VPS37A: variants seen among roughly 807,000 people sequenced by gnomAD.
VPS37A encodes vacuolar protein sorting-associated protein 37A.
VPS37A carries 30 observed loss-of-function variants against 49.8 expected under a neutral mutation model. That is an observed-to-expected ratio of 0.60 (90% CI 0.45 to 0.82). The LOEUF (loss-of-function observed/expected upper bound fraction) is 0.82, where lower values mean the gene tolerates loss of function less well. Among genes scored for constraint, VPS37A ranks in the 40% least tolerant of loss-of-function variants. VPS37A has a pLI of 0.00. For missense variants in VPS37A, 593 were observed against 464.4 expected (o/e 1.28, Z -2.55); for synonymous variants, 195 against 160.6 (o/e 1.21, Z -1.62).
intron 1 of VPS37A, among the ~76,000 whole-genome samples, chr8:17,257,091 T>C (rs923085402): frequency 1.3e-5 from 2 of 152,178 alleles, no homozygotes; most frequent in Non-Finnish European, 2.9e-5. Flanking sequence ...TCCATTCTTA[T>C]TTGATTTTTG....
chr8:17,266,159 TAAGA>T (rs1483232614), intron 2 of VPS37A, among the ~76,000 whole-genome samples, 178 bp downstream of exon 2: 5 of 152,102 alleles, frequency 3.3e-5, no homozygotes, highest in Non-Finnish European at 5.9e-5. Context: ...TATAGTGTTA[TAAGA>T]AAGAAACTAG....
the VPS37A span, among the ~76,000 whole-genome samples, chr8:17,310,700 C>G: frequency 6.6e-6 from 1 of 152,184 alleles, no homozygotes; most frequent in Non-Finnish European, 1.5e-5. Flanking sequence ...AGGGAGCCTG[C>G]CTCTTCGCTC....
chr8:17,257,598 C>T lies in VPS37A; in HGVS notation c.126-8309C>T, dbSNP rs201856364. The stretch of plus-strand genomic sequence containing the variant: ...CGTGTATACCTATGTAACAAAACTG[C>T]ACATTCTGCACATGTACTCCAGAAC... On this transcript the variant is annotated intron_variant, in intron 1 of 11. Transcript: ENST00000324849. 7.2e-5 allele frequency among the ~76,000 whole-genome samples: 11 copies of T among 152,242 alleles called. No individual in the cohort carries two copies. In the East Asian group the frequency reaches 1.9e-3, roughly 27 times the overall value.
At chr8:17,317,234 T>A in the VPS37A span, among the ~76,000 whole-genome samples, 1 of 152,224 alleles carries the variant, frequency 6.6e-6, no homozygotes, top group Non-Finnish European at 1.5e-5. Context: ...AGACACAGGA[T>A]GCTGGCTGGC....
intron 1 of VPS37A, among the ~76,000 whole-genome samples, chr8:17,259,134 G>A (rs1812747574): frequency 1.3e-5 from 2 of 151,612 alleles, no homozygotes; most frequent in Admixed American, 6.6e-5. Context: ...TTTAGGTTTG[G>A]TTCTTCTCTA....
Position 17,280,196 on chromosome 8 carries a change from A to G in VPS37A, c.841+41A>G, listed in dbSNP as rs1814910981. On this transcript the variant is annotated intron_variant, in intron 7 of 11. Coordinates refer to ENST00000324849, the MANE Select transcript of VPS37A (RefSeq NM_152415.3). ...CCTGAGCGCACATTTCCTGAAAAAA[A>G]TCTCATCTTTACCTAGAAGTAAACT... The G allele has an allele frequency of 4.3e-6, 7 of 1,611,030 alleles. No individual in the cohort carries two copies. The East Asian group carries it at 1.3e-4, about 31-fold the overall frequency.
intron 1 of VPS37A, among the ~76,000 whole-genome samples, chr8:17,250,239 T>G (rs892840674): frequency 2.6e-5 from 4 of 152,186 alleles, no homozygotes; most frequent in Non-Finnish European, 1.5e-5. Context: ...CCAGACTCCT[T>G]TAATTCAAAG....
At chr8:17,256,308 T>TG (rs1812453468) in intron 1 of VPS37A, among the ~76,000 whole-genome samples, 2 of 138,714 alleles carry the variant, frequency 1.4e-5, no homozygotes, top group Admixed American at 1.5e-4. Context: ...TTTTTTTTTT[T>TG]TTTTTTTTTT....
rs747596394 is a variant in VPS37A, at chr8:17,274,958, G to A, written c.642G>A (p.Pro214=). 1.3e-5 allele frequency: 21 copies of A among 1,612,404 alleles called. No homozygotes were observed. Among genetic ancestry groups the A allele is most frequent in the East Asian group, 2.2e-5 (1 of 44,872 alleles). Residue 214 remains proline (P), a splice_region_variant and synonymous_variant, in exon 5 of 12, where the codon CCG becomes CCA. Coordinates refer to ENST00000324849, the MANE Select transcript of VPS37A (RefSeq NM_152415.3). ...LPIPTVDASI[P]TSQNGFGYKM... is the part of the protein sequence containing the mutation. ...TTCCCACAGTGGATGCTTCAATACC[G>A]GTTGGTATCGTCAGTTATCTATATT...
At chr8:17,332,029 A>T in the VPS37A span, among the ~76,000 whole-genome samples, 1 of 151,900 alleles carries the variant, frequency 6.6e-6, no homozygotes, top group Non-Finnish European at 1.5e-5. Context: ...GCGTGGCTAA[A>T]ATCAAGAAGG....
the VPS37A span, among the ~76,000 whole-genome samples, chr8:17,331,763 T>C: frequency 6.6e-6 from 1 of 152,238 alleles, no homozygotes; most frequent in African/African-American, 2.4e-5. Context: ...CATTCTAATT[T>C]GCCCACAAGA....
intron 6 of VPS37A, among the ~76,000 whole-genome samples, chr8:17,278,365 A>G (rs974802507): frequency 1.3e-5 from 2 of 152,152 alleles, no homozygotes; most frequent in African/African-American, 2.4e-5. Flanking sequence ...GAATTACTCT[A>G]TGAAGAACTT....
chr8:17,278,107 C>T (rs371355687), intron 6 of VPS37A, among the ~76,000 whole-genome samples: 1 of 151,952 alleles, frequency 6.6e-6, no homozygotes, highest in African/African-American at 2.4e-5. Context: ...TTCTCTGTTT[C>T]CCATAGTTTA....
rs1586111110 is a variant in VPS37A at position 17,297,556 on chromosome 8, C to T, written c.*2570C>T. On this transcript the variant is annotated 3_prime_UTR_variant, in exon 12 of 12. Transcript: ENST00000324849. ...GCTGGGTCATGGTCAAAATTCTTACCTATTTATTTCATATCAACTTTAAAA... is the reference window on the plus strand; with the variant it reads ...GCTGGGTCATGGTCAAAATTCTTACTTATTTATTTCATATCAACTTTAAAA... 6.6e-6 allele frequency: 1 copy of T among 151,690 alleles called. No individual in the cohort carries two copies. The highest frequency in any genetic ancestry group is 1.9e-4 in the East Asian group (1 of 5,156). The allele number at this position is 151,690 out of a possible 1,614,324, so 9.4% of individuals were successfully genotyped here.
At chr8:17,267,270 C>A (rs1813554807) in intron 2 of VPS37A, among the ~76,000 whole-genome samples, 1 of 152,068 alleles carries the variant, frequency 6.6e-6, no homozygotes, top group Non-Finnish European at 1.5e-5. Context: ...CCAACAAGGA[C>A]CCAGTTTTCT....
At chr8:17,293,431 T>A (rs1816325424) in intron 11 of VPS37A, among the ~76,000 whole-genome samples, 2 of 152,140 alleles carry the variant, frequency 1.3e-5, no homozygotes, top group South Asian at 4.1e-4. Flanking sequence ...AGGAGTTTAT[T>A]ACCCACCTTC....
chr8:17,325,559 C>T, the VPS37A span, among the ~76,000 whole-genome samples: 1 of 152,142 alleles, frequency 6.6e-6, no homozygotes, highest in Admixed American at 6.5e-5. Flanking sequence ...AGTCCCTGAC[C>T]GTACGATCGC....
chr8:17,277,025 A>G (rs1044412426), intron 6 of VPS37A, among the ~76,000 whole-genome samples: 2 of 152,134 alleles, frequency 1.3e-5, no homozygotes, highest in African/African-American at 4.8e-5. Flanking sequence ...TGCACCCTTT[A>G]TACCCCCATT....
At chr8:17,264,677 G>C (rs1406183062) in intron 1 of VPS37A, among the ~76,000 whole-genome samples, 1 of 152,142 alleles carries the variant, frequency 6.6e-6, no homozygotes. Flanking sequence ...AAAGCTGTTA[G>C]AAGAAGCATC....
Sources: allele counts gnomAD v4.1 joint callset (sites outside exome capture counted in the v4.1 genomes callset), GRCh38; gene constraint gnomAD v4.1.1; transcripts MANE v1.5; gene names NCBI Gene and HGNC (gene_info 2026-07-23, HGNC 2026-07-21).